Variants in RPRD1B observed in about 807,000 individuals in gnomAD.
RPRD1B encodes the protein regulation of nuclear pre-mRNA domain-containing protein 1B.
A neutral mutation model predicts 41.5 loss-of-function variants in RPRD1B; 11 were observed. That is an observed-to-expected ratio of 0.27 (90% CI 0.17 to 0.44). The LOEUF is 0.44. RPRD1B is among the 20% of genes least tolerant of loss of function. The pLI, the probability that RPRD1B is intolerant of heterozygous loss-of-function variation, is 1.00. For missense variants in RPRD1B, 248 were observed against 389.9 expected, an observed-to-expected ratio of 0.64 and a Z score of 3.06; for synonymous variants, 158 against 155.6, an observed-to-expected ratio of 1.02 and a Z score of -0.12.
chr20:38,071,126 G>GCA (rs911380546), intron 6 of RPRD1B, among the ~76,000 whole-genome samples: 1 of 152,194 alleles, frequency 6.6e-6, no homozygotes, highest in African/African-American at 2.4e-5. Flanking sequence ...GCCACATGGT[G>GCA]CACACACACA....
At chr20:38,059,245 A>T in intron 4 of RPRD1B, 149 bp from the exon 5 acceptor site, 1 of 677,540 alleles carries the variant, frequency 1.5e-6, no homozygotes, top group Non-Finnish European at 2.3e-6. Context: ...ATTGACTTAC[A>T]TGTAAGCTCT....
Position 38,057,602 on chromosome 20 carries a change from T to C in RPRD1B, c.486T>C (p.Pro162=), listed in dbSNP as rs2074256545. Residue 162 remains proline, a synonymous_variant, in exon 4 of 7, where the codon CCT becomes CCC. Transcript: ENST00000373433. ...QIQEEEDDDY[P]GSYSPQDPSA... ...AGGAGGAGGAGGATGACGACTACCC[T>C]GGCAGCTACTCTCCTCAGGATCCTT... 1 of 1,614,162 alleles carries C rather than the reference T, an allele frequency of 6.2e-7. No individual in the cohort carries two copies. The highest frequency in any genetic ancestry group is 8.5e-7 in the Non-Finnish European group (1 of 1,179,982).
At chr20:38,086,308 G>A (rs755892017) in intron 6 of RPRD1B, among the ~76,000 whole-genome samples, 6 of 152,152 alleles carry the variant, frequency 3.9e-5, no homozygotes, top group Non-Finnish European at 8.8e-5. Flanking sequence ...CCATGAATTC[G>A]AGCCTGCTTG....
intron 3 of RPRD1B, among the ~76,000 whole-genome samples, chr20:38,050,470 G>A (rs1451155425): frequency 2.0e-5 from 3 of 152,164 alleles, no homozygotes; most frequent in African/African-American, 7.2e-5. Context: ...TCTTTACTCT[G>A]CCTTAGAGTT....
chr20:38,067,712 C>T (rs906182449), intron 6 of RPRD1B, among the ~76,000 whole-genome samples: 3 of 152,188 alleles, frequency 2.0e-5, no homozygotes, highest in Admixed American at 6.5e-5. Flanking sequence ...ATTTAGACAT[C>T]GGCACTGACC....
intron 6 of RPRD1B, among the ~76,000 whole-genome samples, chr20:38,068,504 G>C (rs1447243505): frequency 6.6e-6 from 1 of 152,064 alleles, no homozygotes; most frequent in African/African-American, 2.4e-5. Flanking sequence ...CCAATCCCCC[G>C]TCTCAGCCTC....
At chr20:38,064,200 C>T (rs2074329539) in intron 5 of RPRD1B, among the ~76,000 whole-genome samples, 1 of 152,204 alleles carries the variant, frequency 6.6e-6, no homozygotes, top group Non-Finnish European at 1.5e-5. Context: ...ATTCCGCTCA[C>T]TTCTTCCCCT....
chr20:38,087,267 G>A lies in RPRD1B; in HGVS notation c.832-2459G>A, dbSNP rs375504138. On this transcript the variant is annotated intron_variant, in intron 6 of 6. Coordinates refer to ENST00000373433, the MANE Select transcript of RPRD1B (RefSeq NM_021215.4). The stretch of plus-strand genomic sequence containing the variant: ...GAGCCACTGCGCCTGGCCACAACTG[G>A]GATTTTTAAGAAATTGCCTAGGAGA... 3.9e-5 allele frequency among the ~76,000 whole-genome samples: 6 copies of A among 152,270 alleles called. No individual in the cohort carries two copies. In the East Asian group the frequency reaches 5.8e-4, roughly 15 times the overall value.
chr20:38,069,842 C>T (rs1186198737), intron 6 of RPRD1B, among the ~76,000 whole-genome samples: 2 of 152,308 alleles, frequency 1.3e-5, no homozygotes, highest in African/African-American at 4.8e-5. Flanking sequence ...TGAGAGTTAT[C>T]AAATCATGGA....
chr20:38,072,444 G>GT (rs202229032), intron 6 of RPRD1B, among the ~76,000 whole-genome samples: 2,674 of 152,234 alleles, frequency 0.018, 79 homozygotes, highest in African/African-American at 0.061. Context: ...TTTAAAATCA[G>GT]TAAGTATGAG....
At chr20:38,073,667 T>C (rs1600430420) in intron 6 of RPRD1B, among the ~76,000 whole-genome samples, 1 of 152,218 alleles carries the variant, frequency 6.6e-6, no homozygotes, top group East Asian at 1.9e-4. Flanking sequence ...AGCTCCTTTT[T>C]TGTCAACTTT....
chr20:38,092,195 A>G lies in RPRD1B; in HGVS notation c.*2320A>G, dbSNP rs764392456. 6.9e-5 allele frequency: 68 copies of G among 985,502 alleles called. No individual in the cohort carries two copies. Among genetic ancestry groups the G allele is most frequent in the Non-Finnish European group, 7.7e-5 (64 of 829,868 alleles). The allele number at this position is 985,502 out of a possible 1,614,324, so 61.0% of individuals were successfully genotyped here. ...GGTCATATTCCTCAGAAAGTCTTCA[A>G]TCTTCCCTTGTTTTTGTTTGTTTGT... On this transcript the variant is annotated 3_prime_UTR_variant, in exon 7 of 7. Transcript: ENST00000373433.
intron 6 of RPRD1B, among the ~76,000 whole-genome samples, chr20:38,084,629 T>C (rs2122769932): frequency 1.3e-5 from 2 of 152,308 alleles, no homozygotes; most frequent in South Asian, 2.1e-4. Flanking sequence ...GCAAAGAATG[T>C]GTAAGCCCTG....
At chr20:38,066,845 C>T (rs950463348) in intron 6 of RPRD1B, among the ~76,000 whole-genome samples, 2 of 151,968 alleles carry the variant, frequency 1.3e-5, no homozygotes, top group African/African-American at 2.4e-5. Flanking sequence ...TTAGTAGGGA[C>T]GGGGTTTCAC....
Position 38,034,111 on chromosome 20 carries a change from T to G in RPRD1B, c.151+13T>G. ...GAGCTCCGCAAAGGTAAACACCAAA[T>G]CCCCACCCCCTGGACGGTCCCCGGA... is the stretch of plus-strand genomic sequence containing the variant. On this transcript the variant is annotated intron_variant, in intron 1 of 6. Coordinates refer to ENST00000373433, the MANE Select transcript of RPRD1B (RefSeq NM_021215.4). The G allele has an allele frequency of 1.9e-6, 3 of 1,610,208 alleles. No individual in the cohort carries two copies. The highest frequency in any genetic ancestry group is 2.5e-6 in the Non-Finnish European group (3 of 1,177,802).
chr20:38,087,573 T>A (rs2074573627), intron 6 of RPRD1B, among the ~76,000 whole-genome samples: 1 of 152,208 alleles, frequency 6.6e-6, no homozygotes, highest in Admixed American at 6.5e-5. Flanking sequence ...GAAGTCCGTG[T>A]TCTGTAGTTG....
intron 1 of RPRD1B, among the ~76,000 whole-genome samples, chr20:38,036,105 C>T (rs1217322865): frequency 6.6e-6 from 1 of 152,116 alleles, no homozygotes; most frequent in African/African-American, 2.4e-5. Flanking sequence ...TTCCTTGCCT[C>T]ACCCTAGTTG....
At chr20:38,054,962 T>C (rs1020980447) in intron 3 of RPRD1B, among the ~76,000 whole-genome samples, 2 of 152,240 alleles carry the variant, frequency 1.3e-5, no homozygotes, top group African/African-American at 2.4e-5. Context: ...AGGTGTTTCT[T>C]ATGTAAATTT....
At position 38,034,084 on chromosome 20, in the gene RPRD1B, G is replaced by A; in HGVS notation, c.137G>A (p.Arg46His). The change falls in exon 1 of 7, where the codon CGC becomes CAC. Residue 46 changes from arginine (R) to histidine (H), a missense_variant. Arg to His is a conservative substitution (Grantham distance 29). Around this residue, in one of 5 missense-constraint regions of RPRD1B, gnomAD observed 47 missense variants for 103.6 expected, o/e 0.45. Transcript: ENST00000373433. ...HAGPIVSVWH[R>H]ELRKAKSNRK... ...GGACCCATCGTCTCCGTGTGGCACC[G>A]CGAGCTCCGCAAAGGTAAACACCAA... 1.2e-6 allele frequency: 2 copies of A among 1,613,552 alleles called. No individual in the cohort carries two copies. Among genetic ancestry groups the A allele is most frequent in the Admixed American group, 1.7e-5 (1 of 59,974 alleles).
Sources: allele counts gnomAD v4.1 joint callset (sites outside exome capture counted in the v4.1 genomes callset), GRCh38; gene constraint gnomAD v4.1.1; regional missense constraint gnomAD v4.1.1; transcripts MANE v1.5; gene names NCBI Gene and HGNC (gene_info 2026-07-23, HGNC 2026-07-21).